The following MSI2 variants were observed in gnomAD, a reference collection of about 807,000 sequenced individuals.
MSI2 encodes the protein musashi RNA binding protein 2.
A neutral mutation model predicts 45.6 loss-of-function variants in MSI2; 17 were observed. The observed-to-expected ratio is 0.37, with a 90% CI of 0.26 to 0.56. The LOEUF (loss-of-function observed/expected upper bound fraction) is 0.56. Among genes scored for constraint, MSI2 ranks in the 20% least tolerant of loss-of-function variants. The pLI, the probability that MSI2 is intolerant of heterozygous loss-of-function variation, is 0.77. For synonymous variants in MSI2, 156 were observed against 158.2 expected, an observed-to-expected ratio of 0.99 and a Z score of 0.11; for missense variants, 293 against 444.2, an observed-to-expected ratio of 0.66 and a Z score of 3.06.
At chr17:57,459,385 G>A (rs771720263) in intron 6 of MSI2, among the ~76,000 whole-genome samples, 6 of 152,172 alleles carry the variant, frequency 3.9e-5, no homozygotes, top group East Asian at 3.8e-4. Context: ...GGCATCACGC[G>A]GCCTGGAGAC....
At chr17:57,654,000 C>T (rs921642208) in intron 11 of MSI2, among the ~76,000 whole-genome samples, 5 of 150,600 alleles carry the variant, frequency 3.3e-5, no homozygotes, top group African/African-American at 1.2e-4. Context: ...GGAGCAAAGT[C>T]TCTCCCAGCC....
intron 6 of MSI2, among the ~76,000 whole-genome samples, chr17:57,404,184 T>G (rs537217008): frequency 6.6e-6 from 1 of 152,214 alleles, no homozygotes; most frequent in Non-Finnish European, 1.5e-5. Context: ...GACTGTTAAG[T>G]GGGGTCTTGA....
At chr17:57,511,624 C>G (rs2086358272) in intron 6 of MSI2, among the ~76,000 whole-genome samples, 1 of 143,936 alleles carries the variant, frequency 6.9e-6, no homozygotes, top group Non-Finnish European at 1.5e-5. Context: ...GCGTACTAAC[C>G]CCAGCTCTGC....
At chr17:57,277,598 AAG>A (rs1908988608) in intron 5 of MSI2, among the ~76,000 whole-genome samples, 1 of 152,226 alleles carries the variant, frequency 6.6e-6, no homozygotes. Flanking sequence ...GGCTTAAGAG[AAG>A]AGGCTTAGGA....
chr17:57,325,915 C>T (rs574012336), intron 5 of MSI2, among the ~76,000 whole-genome samples: 45 of 152,294 alleles, frequency 3.0e-4, no homozygotes, highest in South Asian at 1.0e-3. Context: ...TCTTAGACTG[C>T]GCTCCATGAC....
chr17:57,261,471 C>T (rs1225283224), intron 4 of MSI2, among the ~76,000 whole-genome samples: 1 of 152,178 alleles, frequency 6.6e-6, no homozygotes, highest in East Asian at 1.9e-4. Flanking sequence ...ATTTAGCTCA[C>T]ATGCTTCATT....
At chr17:57,474,796 G>A (rs1243708098) in intron 6 of MSI2, among the ~76,000 whole-genome samples, 1 of 152,028 alleles carries the variant, frequency 6.6e-6, no homozygotes, top group African/African-American at 2.4e-5. Flanking sequence ...TCAGCTCATT[G>A]CAACCTCCAC....
intron 6 of MSI2, among the ~76,000 whole-genome samples, chr17:57,461,171 C>T (rs1293820510): frequency 6.6e-6 from 1 of 152,092 alleles, no homozygotes; most frequent in African/African-American, 2.4e-5. Flanking sequence ...TGCCCTTGAC[C>T]CGGCCGCAGA....
intron 11 of MSI2, among the ~76,000 whole-genome samples, chr17:57,668,221 A>G (rs543952143): frequency 6.6e-6 from 1 of 152,246 alleles, no homozygotes; most frequent in East Asian, 1.9e-4. Context: ...AGCCTTTCTC[A>G]GGTCGGTTCT....
At chr17:57,489,161 G>C (rs1467216552) in intron 6 of MSI2, among the ~76,000 whole-genome samples, 23 of 152,214 alleles carry the variant, frequency 1.5e-4, no homozygotes, top group Admixed American at 1.5e-3. Context: ...CTGGGGCCCA[G>C]GCAGCCCTCA....
At chr17:57,428,803 G>T (rs918787235) in intron 6 of MSI2, among the ~76,000 whole-genome samples, 1 of 151,942 alleles carries the variant, frequency 6.6e-6, no homozygotes, top group African/African-American at 2.4e-5. Context: ...TCCCACCCTC[G>T]CTGTATTGTC....
intron 5 of MSI2, among the ~76,000 whole-genome samples, chr17:57,341,812 G>C (rs1007453637): frequency 6.6e-6 from 1 of 152,190 alleles, no homozygotes; most frequent in Non-Finnish European, 1.5e-5. Flanking sequence ...TCAGCACAGA[G>C]TACTTGGAAT....
chr17:57,476,001 C>A (rs984305409), intron 6 of MSI2, among the ~76,000 whole-genome samples: 1 of 152,202 alleles, frequency 6.6e-6, no homozygotes, highest in African/African-American at 2.4e-5. Flanking sequence ...CAGCTGTGAA[C>A]TGAAGATCTG....
At chr17:57,496,140 G>T (rs1472941869) in intron 6 of MSI2, among the ~76,000 whole-genome samples, 2 of 152,206 alleles carry the variant, frequency 1.3e-5, no homozygotes, top group African/African-American at 2.4e-5. Flanking sequence ...ATTGTCGCTT[G>T]TGTCATTTCG....
rs549451335 is a variant in MSI2, at chr17:57,652,280, G to T, written c.790+119G>T. On this transcript the variant is annotated intron_variant, in intron 11 of 13. Coordinates refer to ENST00000284073, the MANE Select transcript of MSI2 (RefSeq NM_138962.4). This position sits in a 1 kb window ranked among gnomAD's most constrained non-coding sequence, Gnocchi z 4.1. Reference sequence around the variant, plus strand: ...CCAACACCACTCTCACCACAGCCCCGGGGAGGGGGTGGACGGGGAGGGGGT... The same window carrying T: ...CCAACACCACTCTCACCACAGCCCCTGGGAGGGGGTGGACGGGGAGGGGGT... 105 of 1,071,414 alleles carry T rather than the reference G, an allele frequency of 9.8e-5. 1 individual carries two copies. The East Asian group carries it at 1.3e-3, about 13-fold the overall frequency. The allele number at this position is 1,071,414 out of a possible 1,614,324, so 66.4% of individuals were successfully genotyped here.
chr17:57,365,832 C>A (rs1196271960), intron 5 of MSI2, among the ~76,000 whole-genome samples: 1 of 152,186 alleles, frequency 6.6e-6, no homozygotes, highest in Non-Finnish European at 1.5e-5. Context: ...CTTGTCTAAC[C>A]CTTACTTTAT....
intron 4 of MSI2, among the ~76,000 whole-genome samples, chr17:57,261,818 A>G (rs1907335789): frequency 6.6e-6 from 1 of 152,190 alleles, no homozygotes; most frequent in South Asian, 2.1e-4. Context: ...CGCATAGCAA[A>G]TTAGATGTAG....
At chr17:57,306,509 A>G (rs1424281378) in intron 5 of MSI2, among the ~76,000 whole-genome samples, 2 of 148,314 alleles carry the variant, frequency 1.3e-5, no homozygotes, top group Non-Finnish European at 3.0e-5. Flanking sequence ...TGGAGTTCCC[A>G]TCAGGGTTCT....
chr17:57,584,472 A>AC (rs989065122), intron 7 of MSI2, among the ~76,000 whole-genome samples: 19 of 152,132 alleles, frequency 1.2e-4, no homozygotes, highest in African/African-American at 4.6e-4. Flanking sequence ...GGCAGGAATG[A>AC]CCCCCCTGTG....
Sources: allele counts gnomAD v4.1 joint callset (sites outside exome capture counted in the v4.1 genomes callset), GRCh38; gene constraint gnomAD v4.1.1; non-coding constraint Gnocchi (gnomAD v3.1); transcripts MANE v1.5; gene names NCBI Gene and HGNC (gene_info 2026-07-23, HGNC 2026-07-21).